IDNK: variants seen among roughly 807,000 people sequenced by gnomAD.
The protein encoded by IDNK is IDNK gluconokinase.
A neutral mutation model predicts 13.0 loss-of-function variants in IDNK; 9 were observed. The ratio of observed to expected loss-of-function variants is 0.69; its 90% CI spans 0.42 to 1.21. The LOEUF (loss-of-function observed/expected upper bound fraction) is 1.21, where lower values mean the gene tolerates loss of function less well. IDNK is among the 50% of genes most tolerant of loss of function. The pLI is 0.00. For missense variants in IDNK, 210 were observed against 237.8 expected (o/e 0.88, Z 0.77); for synonymous variants, 92 against 94.9 (o/e 0.97, Z 0.18).
intron 1 of IDNK, among the ~76,000 whole-genome samples, chr9:83,624,312 C>G (rs757442287): frequency 1.2e-4 from 19 of 152,138 alleles, no homozygotes; most frequent in Non-Finnish European, 2.2e-4. Flanking sequence ...TCATGTACCC[C>G]CTCTGAGTCT....
At position 83,623,203 on chromosome 9, in the gene IDNK, G is replaced by A; in HGVS notation, c.32G>A (p.Gly11Asp). Residue 11 changes from glycine to aspartate, a missense_variant, in exon 1 of 5, where the codon GGC (glycine) becomes GAC (aspartate). By Grantham distance (94) the Gly-to-Asp change is moderately conservative. Transcript: ENST00000376419. MAAPGALLVM[G>D]VSGSGKSTVG... ...GCGCCGGGCGCGCTGCTGGTGATGG[G>A]CGTGAGCGGCTCGGGGAAGTAGGTC... The A allele has an allele frequency of 7.1e-7, 1 of 1,410,938 alleles. No homozygotes were observed. Among genetic ancestry groups the A allele is most frequent in the Middle Eastern group, 2.0e-4 (1 of 5,010 alleles). 87.4% of individuals were successfully genotyped at this position (1,410,938 alleles called of 1,614,324 possible).
chr9:83,639,482 G>A (rs1160122293), intron 3 of IDNK, among the ~76,000 whole-genome samples: 1 of 152,138 alleles, frequency 6.6e-6, no homozygotes. Flanking sequence ...GCTGTGTCAT[G>A]GGAAAAAATA....
intron 3 of IDNK, among the ~76,000 whole-genome samples, chr9:83,634,295 A>G (rs13292088): frequency 0.2 from 30,039 of 152,172 alleles, 3,231 homozygotes; most frequent in African/African-American, 0.25. Context: ...ATAAATTCCG[A>G]TAAGGTGGAT....
At chr9:83,633,087 C>T (rs1831066924) in intron 3 of IDNK, among the ~76,000 whole-genome samples, 1 of 151,834 alleles carries the variant, frequency 6.6e-6, no homozygotes, top group Non-Finnish European at 1.5e-5. Flanking sequence ...CGCCTGTAAT[C>T]CCAGCACTTT....
chr9:83,623,110 G>A (rs367733214), upstream of IDNK: 883 of 1,357,504 alleles, frequency 6.5e-4, 9 homozygotes, highest in East Asian at 0.021. Context: ...CGCCCCTCGA[G>A]CGCCGGGTAG....
At chr9:83,623,525 T>C in intron 1 of IDNK, 2 of 358,248 alleles carry the variant, frequency 5.6e-6, no homozygotes, top group Non-Finnish European at 1.0e-5. Context: ...GCCGCGCAGG[T>C]GGAGGCCTAG....
At chr9:83,638,989 A>G (rs1289577188) in intron 3 of IDNK, among the ~76,000 whole-genome samples, 5 of 152,206 alleles carry the variant, frequency 3.3e-5, no homozygotes, top group Admixed American at 3.3e-4. Context: ...TTAATGAAAA[A>G]TAATATTCTT....
intron 1 of IDNK, among the ~76,000 whole-genome samples, chr9:83,625,114 T>G (rs989928369): frequency 1.3e-5 from 2 of 152,136 alleles, no homozygotes; most frequent in Admixed American, 6.6e-5. Context: ...GTAAAGAGAA[T>G]GTGGTCATAT....
At chr9:83,639,687 A>C (rs764176688) in intron 3 of IDNK, among the ~76,000 whole-genome samples, 18 of 152,178 alleles carry the variant, frequency 1.2e-4, no homozygotes, top group Non-Finnish European at 2.4e-4. Flanking sequence ...ATGGGGTTGG[A>C]TGGCAGTGAT....
chr9:83,639,652 GT>G (rs761547496), intron 3 of IDNK, among the ~76,000 whole-genome samples: 4 of 152,194 alleles, frequency 2.6e-5, no homozygotes, highest in Non-Finnish European at 4.4e-5. Flanking sequence ...GATAATTTCA[GT>G]GAAAAATATC....
intron 3 of IDNK, among the ~76,000 whole-genome samples, chr9:83,630,263 T>G (rs541441573): frequency 6.6e-6 from 1 of 152,256 alleles, no homozygotes; most frequent in Admixed American, 6.5e-5. Flanking sequence ...CATCACAGGT[T>G]TGCAACATTT....
chr9:83,625,875 T>A (rs913385842), intron 1 of IDNK, among the ~76,000 whole-genome samples: 1 of 152,336 alleles, frequency 6.6e-6, no homozygotes, highest in South Asian at 2.1e-4. Flanking sequence ...TCTAGAACAG[T>A]TCCTGGCATT....
intron 3 of IDNK, among the ~76,000 whole-genome samples, chr9:83,640,596 C>T (rs902242793): frequency 3.3e-5 from 5 of 152,210 alleles, no homozygotes; most frequent in Admixed American, 2.0e-4. Flanking sequence ...AATCCCAGAA[C>T]TTTGGGAGGC....
chr9:83,632,366 C>T (rs540027455), intron 3 of IDNK, among the ~76,000 whole-genome samples: 13 of 152,128 alleles, frequency 8.5e-5, no homozygotes, highest in African/African-American at 2.2e-4. Flanking sequence ...TTTCACTCTT[C>T]GTAGAGCATT....
In IDNK at chr9:83,643,647, C is replaced by T. The variant is rs1457876634; in HGVS notation, c.431C>T (p.Pro144Leu). The T allele has an allele frequency of 1.2e-6, 2 of 1,613,868 alleles. No individual in the cohort carries two copies. The highest frequency in any genetic ancestry group is 3.3e-5 in the Admixed American group (2 of 59,980). ...CTCAAAAGAGAGGGACATTTTATGC[C>T]CCCTGAATTATTGCAGTCCCAGTTT... ...RLLKREGHFM[P>L]PELLQSQFET... Residue 144 changes from proline (P) to leucine (L), a missense_variant, in exon 5 of 5, where the codon CCC becomes CTC. Transcript: ENST00000376419.
rs566045982 is a variant in IDNK, at chr9:83,623,182, C to T, written c.11C>T (p.Pro4Leu). The T allele has an allele frequency of 1.1e-5, 15 of 1,413,506 alleles. No homozygotes were observed. In the African/African-American group the frequency reaches 2.0e-4, roughly 19 times the overall value. The allele number at this position is 1,413,506 out of a possible 1,614,324, so 87.6% of individuals were successfully genotyped here. The change falls in exon 1 of 5, where the codon CCG becomes CTG. Residue 4 changes from proline to leucine, a missense_variant. Pro to Leu is a moderately conservative substitution (Grantham distance 98, BLOSUM62 -3). Transcript: ENST00000376419. The part of the protein sequence containing the change: MAA[P>L]GALLVMGVSG... The stretch of plus-strand genomic sequence containing the variant: ...AGCCGAGCTTGGGTTATGGCGGCGC[C>T]GGGCGCGCTGCTGGTGATGGGCGTG...
rs573934595 is a variant in IDNK, at chr9:83,624,754, C to T, written c.50+1533C>T. On this transcript the variant is annotated intron_variant, in intron 1 of 4. Coordinates refer to ENST00000376419, the MANE Select transcript of IDNK (RefSeq NM_001001551.4). ...TTGAGGCGGAGCTTCACTCCTGTTG[C>T]CCAGGCTGGAGTGCAGTGGTGCAAT... 4.6e-5 allele frequency among the ~76,000 whole-genome samples: 7 copies of T among 151,764 alleles called. No homozygotes were observed. In the South Asian group the frequency reaches 6.3e-4, roughly 14 times the overall value.
At chr9:83,626,574 A>G (rs2780977) in intron 1 of IDNK, 419,236 of 530,822 alleles carry the variant, frequency 0.79, 166,645 homozygotes, top group African/African-American at 0.9. Context: ...GCACCACCAC[A>G]CCCAGCTAAG....
chr9:83,634,406 A>C (rs978923933), intron 3 of IDNK, among the ~76,000 whole-genome samples: 1 of 152,250 alleles, frequency 6.6e-6, no homozygotes, highest in African/African-American at 2.4e-5. Context: ...TAGATGAAGC[A>C]GTGTGCTTTA....
Sources: gnomAD v4.1 joint callset for allele counts (sites outside exome capture counted in the v4.1 genomes callset) on GRCh38, gnomAD v4.1.1 for gene constraint, MANE v1.5 for transcripts, NCBI Gene and HGNC (gene_info 2026-07-23, HGNC 2026-07-21) for gene names.